RAPH1: variants seen among roughly 807,000 people sequenced by gnomAD.
The protein encoded by RAPH1 is ras-associated and pleckstrin homology domains-containing protein 1.
RAPH1 carries 18 observed loss-of-function variants against 88.1 expected under a neutral mutation model. That is an observed-to-expected ratio of 0.20 (90% CI 0.14 to 0.30). The LOEUF is 0.30. Ranked by LOEUF, RAPH1 falls within the 10% of genes least tolerant of loss-of-function variation. The pLI, the probability that RAPH1 is intolerant of heterozygous loss-of-function variation, is 1.00. For missense variants in RAPH1, 1,448 were observed against 1,543.2 expected, an observed-to-expected ratio of 0.94 and a Z score of 1.03; for synonymous variants, 587 against 559.0, an observed-to-expected ratio of 1.05 and a Z score of -0.71.
intron 12 of RAPH1, chr2:203,445,678 A>C (rs1204371625): frequency 2.0e-5 from 3 of 152,154 alleles, no homozygotes; most frequent in African/African-American, 7.2e-5. Flanking sequence ...AGGTGGGAGG[A>C]TCATTTGAGC....
rs141816259 is a variant in RAPH1 at position 203,438,376 on chromosome 2, TTTTG to T, written c.*1057_*1060del. On this transcript the variant is annotated 3_prime_UTR_variant, in exon 14 of 14. Coordinates refer to ENST00000319170, the MANE Select transcript of RAPH1 (RefSeq NM_213589.3). The stretch of plus-strand genomic sequence containing the variant: ...TCAAAAAATGCATTTTAGAAAATGA[TTTTG>T]TTTTTCATAATGCACCATATTGGGG... The T allele has an allele frequency of 0.028, 9,746 of 348,862 alleles. 331 individuals are homozygous for T. The highest frequency in any genetic ancestry group is 0.089 in the East Asian group (1,169 of 13,072). 21.6% of individuals were successfully genotyped at this position (348,862 alleles called of 1,614,324 possible).
chr2:203,508,852 T>C (rs760765393), intron 1 of RAPH1, among the ~76,000 whole-genome samples: 10 of 152,172 alleles, frequency 6.6e-5, no homozygotes, highest in Non-Finnish European at 8.8e-5. Context: ...TTTTACTAAA[T>C]TAATACGTTT....
chr2:203,455,119 G>A (rs1404611800), intron 9 of RAPH1, among the ~76,000 whole-genome samples: 1 of 151,804 alleles, frequency 6.6e-6, no homozygotes, highest in East Asian at 2.0e-4. Context: ...AAAAAAGCCT[G>A]TAATCCCAGA....
intron 4 of RAPH1, chr2:203,470,378 TG>T: frequency 9.9e-7 from 1 of 1,011,592 alleles, no homozygotes; most frequent in Non-Finnish European, 1.5e-6. Context: ...AGGTTTTATG[TG>T]TTTAAAACAT....
In RAPH1 at chr2:203,437,577, G is replaced by GTA; in HGVS notation, c.*1858_*1859dup. 6.6e-6 allele frequency: 1 copy of GTA among 152,382 alleles called. No homozygotes were observed. Among genetic ancestry groups the GTA allele is most frequent in the East Asian group, 1.9e-4 (1 of 5,182 alleles). The allele number at this position is 152,382 out of a possible 1,614,324, so 9.4% of individuals were successfully genotyped here. On this transcript the variant is annotated 3_prime_UTR_variant, in exon 14 of 14. Transcript: ENST00000319170. ...AATTTGAAAGACCTAAAAATTAATGGTATATATTCTTATTGCTCCATAACC... is the reference window on the plus strand; with the variant it reads ...AATTTGAAAGACCTAAAAATTAATGGTATATATATTCTTATTGCTCCATAACC...
intron 7 of RAPH1, 127 bp downstream of exon 7, chr2:203,459,780 A>G (rs2098522884): frequency 2.1e-6 from 2 of 942,926 alleles, no homozygotes; most frequent in African/African-American, 1.7e-5. Context: ...TGATGCTCCT[A>G]TAGGATTTTG....
chr2:203,448,056 G>A lies in RAPH1; in HGVS notation c.1536C>T (p.Asn512=), dbSNP rs2098511554. Residue 512 remains asparagine, a synonymous_variant, in exon 12 of 14, where the codon AAC becomes AAT. Transcript: ENST00000319170. The surrounding 1 kb of genome is among the most constrained non-coding windows in gnomAD (Gnocchi z 4.1). ...IAKYGKQLYM[N]YQEALKRTES... Reference sequence around the variant, plus strand: ...CTGTCCTCTTCAAGGCTTCTTGGTAGTTCATATAGAGCTGCTTCCCATACT... The same window carrying A: ...CTGTCCTCTTCAAGGCTTCTTGGTAATTCATATAGAGCTGCTTCCCATACT... 6.2e-6 allele frequency: 10 copies of A among 1,613,782 alleles called. No homozygotes were observed. Among genetic ancestry groups the A allele is most frequent in the Non-Finnish European group, 7.6e-6 (9 of 1,179,770 alleles).
At chr2:203,512,303 C>T (rs1689378257) in intron 1 of RAPH1, among the ~76,000 whole-genome samples, 1 of 149,924 alleles carries the variant, frequency 6.7e-6, no homozygotes. Context: ...GTGGTGCACA[C>T]CAAGATTGTG....
chr2:203,442,738 T>C (rs993841217), intron 13 of RAPH1: 4 of 152,208 alleles, frequency 2.6e-5, no homozygotes, highest in Admixed American at 2.6e-4. Context: ...GACAGCAGGG[T>C]TCCTACTCTT....
At chr2:203,478,485 GTTTTT>G (rs145000897) in intron 4 of RAPH1, among the ~76,000 whole-genome samples, 29 of 149,582 alleles carry the variant, frequency 1.9e-4, no homozygotes, top group Non-Finnish European at 3.7e-4. Flanking sequence ...ATCATTTTTT[GTTTTT>G]TTTTGTTTTT....
chr2:203,463,287 C>A (rs972087294), intron 4 of RAPH1, among the ~76,000 whole-genome samples: 2 of 151,950 alleles, frequency 1.3e-5, no homozygotes, highest in African/African-American at 4.8e-5. Flanking sequence ...TCATATCAGC[C>A]AAACTTTATC....
chr2:203,534,069 T>C (rs952089731), intron 1 of RAPH1, among the ~76,000 whole-genome samples: 1 of 152,174 alleles, frequency 6.6e-6, no homozygotes, highest in Middle Eastern at 3.2e-3. Context: ...GTTTGCTGAA[T>C]TTAATATCCC....
intron 5 of RAPH1, 28 bp from the exon 6 acceptor site, chr2:203,461,436 G>T: frequency 6.5e-7 from 1 of 1,526,948 alleles, no homozygotes; most frequent in South Asian, 1.3e-5. Context: ...AAAAGTAAAT[G>T]AACACTAAAA....
rs1204941259 is a variant in RAPH1 at position 203,495,227 on chromosome 2, T to A, written c.120+7A>T. 1 of 1,613,832 alleles carries A rather than the reference T, an allele frequency of 6.2e-7. No individual in the cohort carries two copies. Among genetic ancestry groups the A allele is most frequent in the Non-Finnish European group, 8.5e-7 (1 of 1,179,948 alleles). On this transcript the variant is annotated splice_region_variant and intron_variant, in intron 2 of 13. Transcript: ENST00000319170. The stretch of plus-strand genomic sequence containing the variant: ...AATCCTCAACCAGTTTTTCAAGCAC[T>A]ACTCACCTGAGTGAGTTTGTCTAGT...
chr2:203,479,533 T>A (rs994751740), intron 4 of RAPH1, among the ~76,000 whole-genome samples: 7 of 150,870 alleles, frequency 4.6e-5, no homozygotes, highest in Non-Finnish European at 8.8e-5. Context: ...GCTTGAACCC[T>A]GAGGCCAGAG....
intron 1 of RAPH1, among the ~76,000 whole-genome samples, chr2:203,520,635 A>G (rs74512727): frequency 2.1e-5 from 3 of 145,284 alleles, no homozygotes; most frequent in Admixed American, 6.9e-5. Context: ...CTCAAAAAGG[A>G]AAAAAAAAAA....
chr2:203,512,714 C>A (rs1209661536), intron 1 of RAPH1, among the ~76,000 whole-genome samples: 2 of 151,228 alleles, frequency 1.3e-5, no homozygotes, highest in Non-Finnish European at 2.9e-5. Flanking sequence ...CCTCCGCCTC[C>A]CAGGTTCAAG....
intron 1 of RAPH1, among the ~76,000 whole-genome samples, chr2:203,512,255 CCT>C (rs1689375726): frequency 6.6e-6 from 1 of 151,428 alleles, no homozygotes; most frequent in Non-Finnish European, 1.5e-5. Flanking sequence ...ATGACGAAAC[CCT>C]GTCTCTACTA....
intron 4 of RAPH1, among the ~76,000 whole-genome samples, chr2:203,480,404 C>T (rs920292894): frequency 2.0e-5 from 3 of 151,968 alleles, no homozygotes; most frequent in African/African-American, 7.2e-5. Flanking sequence ...AAAGACAGGC[C>T]GGGTGTGGTG....
Sources: allele counts gnomAD v4.1 joint callset (sites outside exome capture counted in the v4.1 genomes callset), GRCh38; gene constraint gnomAD v4.1.1; non-coding constraint Gnocchi (gnomAD v3.1); transcripts MANE v1.5; gene names NCBI Gene and HGNC (gene_info 2026-07-23, HGNC 2026-07-21).